Variants in PTPRN2 observed in about 807,000 individuals in gnomAD.
PTPRN2 encodes receptor-type tyrosine-protein phosphatase N2.
Under a neutral mutation model 118.8 loss-of-function variants are expected in PTPRN2, and 74 were observed. That is an observed-to-expected ratio of 0.62 (90% CI 0.52 to 0.76). The LOEUF is 0.76. PTPRN2 is among the 30% of genes least tolerant of loss of function. The pLI, the probability that PTPRN2 is intolerant of heterozygous loss-of-function variation, is 0.00. For missense variants in PTPRN2, 1,481 were observed against 1,394.4 expected, an observed-to-expected ratio of 1.06 and a Z score of -0.99; for synonymous variants, 641 against 608.0, an observed-to-expected ratio of 1.05 and a Z score of -0.80.
intron 11 of PTPRN2, among the ~76,000 whole-genome samples, chr7:157,992,239 A>G (rs987104393): frequency 6.6e-6 from 1 of 152,258 alleles, no homozygotes; most frequent in Admixed American, 6.5e-5. Context: ...AGTTCCATGA[A>G]AACAAAACAC....
intron 3 of PTPRN2, among the ~76,000 whole-genome samples, chr7:158,272,256 C>T (rs571848255): frequency 9.2e-5 from 14 of 152,336 alleles, no homozygotes; most frequent in South Asian, 8.3e-4. Flanking sequence ...CGGAGAGCCG[C>T]GTCTCCGGGG....
At chr7:158,416,613 C>G (rs191212527) in intron 2 of PTPRN2, among the ~76,000 whole-genome samples, 39 of 151,752 alleles carry the variant, frequency 2.6e-4, no homozygotes, top group Non-Finnish European at 2.2e-4. Flanking sequence ...AACAGACAAA[C>G]AAAGATATAA....
chr7:157,788,147 G>T (rs867306740), intron 12 of PTPRN2, among the ~76,000 whole-genome samples: 4 of 152,122 alleles, frequency 2.6e-5, no homozygotes, highest in African/African-American at 9.7e-5. Flanking sequence ...AGGCTGAGGC[G>T]GGCGGATCAC....
intron 17 of PTPRN2, among the ~76,000 whole-genome samples, chr7:157,593,552 C>T (rs778726399): frequency 2.0e-5 from 3 of 152,206 alleles, no homozygotes; most frequent in African/African-American, 2.4e-5. Context: ...ATTAGGACTC[C>T]GTGGGTATTC....
chr7:158,527,808 G>T (rs1824903707), intron 1 of PTPRN2, among the ~76,000 whole-genome samples: 1 of 152,182 alleles, frequency 6.6e-6, no homozygotes, highest in Non-Finnish European at 1.5e-5. Flanking sequence ...TCTCACCCCA[G>T]GCTCCCCTGG....
chr7:157,820,438 ACAG>A (rs1388647484), intron 12 of PTPRN2, among the ~76,000 whole-genome samples: 3 of 151,866 alleles, frequency 2.0e-5, no homozygotes, highest in Non-Finnish European at 2.9e-5. Flanking sequence ...ACACCTGCAC[ACAG>A]CAGATCCCCA....
At chr7:158,498,518 A>C (rs537103361) in intron 1 of PTPRN2, among the ~76,000 whole-genome samples, 25 of 152,310 alleles carry the variant, frequency 1.6e-4, no homozygotes, top group African/African-American at 6.0e-4. Context: ...AACCTCAACT[A>C]TATTTATTCT....
In PTPRN2 at chr7:157,587,217, G is replaced by GACACGCAGGCAGACAGAGACAAT. The variant is rs1800728244; in HGVS notation, c.2496+8020_2496+8021insATTGTCTCTGTCTGCCTGCGTGT. ...AAGACAGGCAGGCAGACAGAGACAA[G>GACACGCAGGCAGACAGAGACAAT]ACACACAGGCAGACAGGCAGACAGC... On this transcript the variant is annotated intron_variant, in intron 17 of 22. Coordinates refer to ENST00000389418, the MANE Select transcript of PTPRN2 (RefSeq NM_002847.5). This position sits in a 1 kb window ranked among gnomAD's most constrained non-coding sequence, Gnocchi z 5.3. Among the ~76,000 whole-genome samples the GACACGCAGGCAGACAGAGACAAT allele has an allele frequency of 2.0e-5, 3 of 151,356 alleles. No individual in the cohort carries two copies. Among genetic ancestry groups the GACACGCAGGCAGACAGAGACAAT allele is most frequent in the African/African-American group, 7.3e-5 (3 of 40,980 alleles).
At chr7:157,746,241 C>T (rs1432604902) in intron 12 of PTPRN2, among the ~76,000 whole-genome samples, 22 of 151,748 alleles carry the variant, frequency 1.4e-4, no homozygotes, top group Admixed American at 1.4e-3. Flanking sequence ...CATGGGCCTC[C>T]CTACACTCCA....
chr7:157,911,179 C>T (rs930956127), intron 11 of PTPRN2, among the ~76,000 whole-genome samples: 1 of 152,114 alleles, frequency 6.6e-6, no homozygotes, highest in Non-Finnish European at 1.5e-5. Flanking sequence ...CCTGACCACC[C>T]GAAGGAAGAG....
At chr7:157,772,126 TACACAG>T (rs1221818027) in intron 12 of PTPRN2, among the ~76,000 whole-genome samples, 1 of 119,884 alleles carries the variant, frequency 8.3e-6, no homozygotes, top group Non-Finnish European at 1.8e-5. Flanking sequence ...GACATACACA[TACACAG>T]ACAGACACAC....
chr7:158,173,777 C>T (rs1823931754), intron 5 of PTPRN2, among the ~76,000 whole-genome samples: 2 of 152,188 alleles, frequency 1.3e-5, no homozygotes. Context: ...CAGGATTATT[C>T]CTTGCTGGGA....
intron 14 of PTPRN2, among the ~76,000 whole-genome samples, chr7:157,648,531 C>T (rs1185763273): frequency 4.7e-4 from 60 of 128,722 alleles, no homozygotes; most frequent in Admixed American, 5.6e-4. Context: ...CTCGGTGGGT[C>T]AGACCCTTTC....
intron 12 of PTPRN2, among the ~76,000 whole-genome samples, chr7:157,705,773 G>A (rs947537217): frequency 1.4e-5 from 2 of 144,772 alleles, no homozygotes; most frequent in Admixed American, 1.4e-4. Flanking sequence ...GGTGCCTTCC[G>A]GATAAACGCG....
At chr7:158,424,372 G>C (rs989680419) in intron 2 of PTPRN2, among the ~76,000 whole-genome samples, 4 of 152,214 alleles carry the variant, frequency 2.6e-5, no homozygotes, top group Non-Finnish European at 5.9e-5. Flanking sequence ...CAGAAACTCT[G>C]CCTGTTAACG....
intron 12 of PTPRN2, among the ~76,000 whole-genome samples, chr7:157,783,124 A>C (rs967300246): frequency 6.6e-6 from 1 of 152,142 alleles, no homozygotes; most frequent in Non-Finnish European, 1.5e-5. Flanking sequence ...GTGAAGAAGA[A>C]CATGTTTGCT....
intron 2 of PTPRN2, among the ~76,000 whole-genome samples, chr7:158,442,187 A>G (rs1282158485): frequency 6.6e-6 from 1 of 151,748 alleles, no homozygotes; most frequent in Admixed American, 6.6e-5. Context: ...GGTGATGGTG[A>G]TAGTAATGGT....
rs1276607701 is a variant in PTPRN2, at chr7:157,728,980, G to A, written c.1789-46043C>T. Among the ~76,000 whole-genome samples the A allele has an allele frequency of 2.6e-5, 4 of 152,312 alleles. 1 individual carries two copies. Among genetic ancestry groups the A allele is most frequent in the Admixed American group, 2.0e-4 (3 of 15,300 alleles). On this transcript the variant is annotated intron_variant, in intron 12 of 22. Transcript: ENST00000389418. ...GCCTCGAGGGAGACGGCGCTGACCCGGGGCCAGGGGAGTTTGGCTCACGTG... is the reference window on the plus strand; with the variant it reads ...GCCTCGAGGGAGACGGCGCTGACCCAGGGCCAGGGGAGTTTGGCTCACGTG...
intron 2 of PTPRN2, among the ~76,000 whole-genome samples, chr7:158,365,416 T>C (rs965802631): frequency 2.0e-5 from 3 of 152,132 alleles, no homozygotes; most frequent in East Asian, 1.9e-4. Flanking sequence ...CTTCCCTTTG[T>C]CTCTCCTCCC....
Sources: gnomAD v4.1 joint callset for allele counts (sites outside exome capture counted in the v4.1 genomes callset) on GRCh38, gnomAD v4.1.1 for gene constraint, Gnocchi (gnomAD v3.1) non-coding constraint, MANE v1.5 for transcripts, NCBI Gene and HGNC (gene_info 2026-07-23, HGNC 2026-07-21) for gene names.